The following RIF1 variants were observed in gnomAD, a reference collection of about 807,000 sequenced individuals.
RIF1 encodes the protein replication timing regulatory factor 1.
In RIF1, 45 loss-of-function variants were observed where a neutral mutation model predicts 247.1. The observed-to-expected ratio is 0.18, with a 90% CI of 0.14 to 0.23. The LOEUF is 0.23. Among genes scored for constraint, RIF1 ranks in the 10% least tolerant of loss-of-function variants. RIF1 has a pLI of 1.00. For missense variants in RIF1, 2,967 were observed against 2,862.5 expected, an observed-to-expected ratio of 1.04 and a Z score of -0.83; for synonymous variants, 1,087 against 978.8, an observed-to-expected ratio of 1.11 and a Z score of -2.06.
chr2:151,429,387 G>A (rs1340562932), intron 9 of RIF1, among the ~76,000 whole-genome samples: 1 of 152,094 alleles, frequency 6.6e-6, no homozygotes, highest in African/African-American at 2.4e-5. Flanking sequence ...CACTATGTTG[G>A]CCAGGCTGGT....
At chr2:151,512,943 C>T, downstream of RIF1, 1 of 728,904 alleles carries the variant, frequency 1.4e-6, no homozygotes, top group South Asian at 1.7e-5. Flanking sequence ...AAGAGGGACT[C>T]ATTCATTTGA....
rs775226266 is a variant in RIF1 at position 151,491,693 on chromosome 2, G to C, written c.*416-3536G>C. The C allele has an allele frequency of 2.5e-6, 4 of 1,591,418 alleles. No individual in the cohort carries two copies. The South Asian group carries it at 3.4e-5, about 14-fold the overall frequency. The stretch of plus-strand genomic sequence containing the variant: ...TTTCAGCTAACACACCATTAATCAT[G>C]TGTAAGCTTCGGGACTGGATGTTGT... On this transcript the variant is annotated intron_variant and NMD_transcript_variant, in intron 9 of 13. Transcript: ENST00000454583.
intron 8 of RIF1, among the ~76,000 whole-genome samples, chr2:151,424,825 ATTTTT>A (rs71000475): frequency 1.3e-4 from 6 of 47,284 alleles, no homozygotes; most frequent in East Asian, 5.2e-4. Flanking sequence ...AGCCCGGCTG[ATTTTT>A]TTTTTTTTTT....
At chr2:151,434,692 G>A (rs998535120) in intron 10 of RIF1, among the ~76,000 whole-genome samples, 3 of 151,970 alleles carry the variant, frequency 2.0e-5, no homozygotes, top group East Asian at 3.9e-4. Flanking sequence ...TGCCTGCCTC[G>A]GCCTCCCAAA....
chr2:151,474,837 G>A lies in RIF1; in HGVS notation c.7205-20G>A, dbSNP rs776273100. 4.9e-6 allele frequency: 6 copies of A among 1,218,314 alleles called. No homozygotes were observed. The highest frequency in any genetic ancestry group is 6.9e-6 in the Non-Finnish European group (6 of 864,040). 75.5% of individuals were successfully genotyped at this position (1,218,314 alleles called of 1,614,324 possible). A position where few individuals can be genotyped will look rare whatever the true frequency, so the allele number is the denominator to read the frequency against. ...TTTGTCTGGTATAGATTTAATTGTG[G>A]TTTTTTTTTTCTCTTTTAGATATAA... On this transcript the variant is annotated intron_variant, in intron 35 of 35. Coordinates refer to ENST00000444746, the MANE Select transcript of RIF1 (RefSeq NM_018151.5).
chr2:151,472,522 CTTA>C (rs1250306209), intron 34 of RIF1, among the ~76,000 whole-genome samples: 1 of 152,076 alleles, frequency 6.6e-6, no homozygotes, highest in Non-Finnish European at 1.5e-5. Flanking sequence ...ATAAATAGCT[CTTA>C]TTATTTTGAG....
At chr2:151,456,678 T>C in intron 23 of RIF1, 58 bp downstream of exon 23, 1 of 1,006,582 alleles carries the variant, frequency 9.9e-7, no homozygotes, top group Non-Finnish European at 1.5e-6. Flanking sequence ...TGATAGAGTT[T>C]AGATAATTTT....
chr2:151,464,850 C>G lies in RIF1; in HGVS notation c.5330C>G (p.Ser1777Cys). 6.2e-7 allele frequency: 1 copy of G among 1,607,644 alleles called. No homozygotes were observed. The highest frequency in any genetic ancestry group is 8.5e-7 in the Non-Finnish European group (1 of 1,178,406). The change falls in exon 30 of 36, where the codon TCT (serine) becomes TGT (cysteine). Residue 1777 changes from serine (S) to cysteine (C), a missense_variant. Coordinates refer to ENST00000444746, the MANE Select transcript of RIF1 (RefSeq NM_018151.5). ...GCACCTGTAAGCCCATCAGAAACTT[C>G]TCAAGCTAATCCATATTCTGAAGGA... ...VQAPVSPSET[S>C]QANPYSEGQF...
chr2:151,446,932 C>T (rs550236243), intron 20 of RIF1, among the ~76,000 whole-genome samples: 21 of 142,080 alleles, frequency 1.5e-4, no homozygotes, highest in Non-Finnish European at 2.7e-4. Context: ...AAATATAAGT[C>T]TCTTTTCTCT....
chr2:151,481,496 T>C lies in RIF1; in HGVS notation c.*6425T>C, dbSNP rs948035177. 2.0e-5 allele frequency: 3 copies of C among 152,274 alleles called. No homozygotes were observed. The highest frequency in any genetic ancestry group is 7.2e-5 in the African/African-American group (3 of 41,476). The allele number at this position is 152,274 out of a possible 1,614,324, so 9.4% of individuals were successfully genotyped here. On this transcript the variant is annotated 3_prime_UTR_variant, in exon 36 of 36. Transcript: ENST00000444746. ...GTAGATAGACCTGACTGATAGCACT[T>C]ACAAAAAGACTGATAGATGCCAAAT...
chr2:151,490,122 G>T, intron 9 of RIF1: 1 of 1,442,972 alleles, frequency 6.9e-7, no homozygotes, highest in South Asian at 1.2e-5. Context: ...AAAATGGCTA[G>T]GTATCCTTTA....
chr2:151,518,787 C>A, the RIF1 span, among the ~76,000 whole-genome samples: 3 of 152,116 alleles, frequency 2.0e-5, no homozygotes, highest in Non-Finnish European at 4.4e-5. Flanking sequence ...AGAGGTGTTA[C>A]AGACAATGGA....
rs1309670275 is a variant in RIF1 at position 151,463,784 on chromosome 2, T to A, written c.4264T>A (p.Ser1422Thr). ...KTLRRSSRRR[S>T]EVVESTTESQ... ...CCTTAGACGGTCTTCAAGGCGACGT[T>A]CAGAAGTAGTAGAGTCTACCACTGA... Residue 1422 changes from serine (S) to threonine (T), a missense_variant, in exon 30 of 36, where the codon TCA (serine) becomes ACA (threonine). Around this residue, in one of 7 missense-constraint regions of RIF1, gnomAD observed 2,028 missense variants for 1,825.6 expected, o/e 1.11. Coordinates refer to ENST00000444746, the MANE Select transcript of RIF1 (RefSeq NM_018151.5). 3 of 1,613,690 alleles carry A rather than the reference T, an allele frequency of 1.9e-6. No homozygotes were observed. Among genetic ancestry groups the A allele is most frequent in the Non-Finnish European group, 2.5e-6 (3 of 1,179,940 alleles).
At position 151,416,609 on chromosome 2, in the gene RIF1, A is replaced by C; in HGVS notation, c.329A>C (p.Asn110Thr). Residue 110 changes from asparagine (N) to threonine (T), a missense_variant, in exon 5 of 36, where the codon AAT (asparagine) becomes ACT (threonine). Around this residue, in one of 7 missense-constraint regions of RIF1, gnomAD observed 269 missense variants for 288.6 expected, o/e 0.93. Transcript: ENST00000444746. Reference sequence around the variant, plus strand: ...TCAAAATTGAATGATACCATTAAGAATTCAGACAAAAATGTACGTACTAGA... The same window carrying C: ...TCAAAATTGAATGATACCATTAAGACTTCAGACAAAAATGTACGTACTAGA... ...LLSKLNDTIK[N>T]SDKNVRTRAL... The C allele has an allele frequency of 6.2e-7, 1 of 1,608,014 alleles. No homozygotes were observed. Among genetic ancestry groups the C allele is most frequent in the Non-Finnish European group, 8.5e-7 (1 of 1,178,662 alleles).
chr2:151,519,888 A>G, the RIF1 span: 15 of 650,812 alleles, frequency 2.3e-5, no homozygotes, highest in South Asian at 3.9e-5. Context: ...CATATAATCT[A>G]TTATCCAAAC....
intron 8 of RIF1, among the ~76,000 whole-genome samples, chr2:151,425,715 G>A (rs1688947383): frequency 1.6e-5 from 2 of 125,614 alleles, no homozygotes; most frequent in African/African-American, 6.4e-5. Context: ...TGCCTAGGCT[G>A]GAGTGCAGTG....
Position 151,460,073 on chromosome 2 carries a change from T to C in RIF1, c.3029T>C (p.Leu1010Ser), listed in dbSNP as rs1695883064. The change falls in exon 26 of 36, where the codon TTG (leucine) becomes TCG (serine). Residue 1010 changes from leucine (L) to serine (S), a missense_variant. Leu to Ser is a moderately radical substitution (Grantham distance 145). Coordinates refer to ENST00000444746, the MANE Select transcript of RIF1 (RefSeq NM_018151.5). ...RKSNGKRDSF[L>S]AQTKNKKENM... Reference sequence around the variant, plus strand: ...TCAAATGGAAAAAGAGATTCATTTTTGGCACAAACAAAGAATAAAAAAGAA... The same window carrying C: ...TCAAATGGAAAAAGAGATTCATTTTCGGCACAAACAAAGAATAAAAAAGAA... 6.3e-7 allele frequency: 1 copy of C among 1,576,380 alleles called. No homozygotes were observed. Among genetic ancestry groups the C allele is most frequent in the Non-Finnish European group, 8.6e-7 (1 of 1,156,996 alleles).
downstream of RIF1, among the ~76,000 whole-genome samples, chr2:151,485,084 A>G (rs1245100921): frequency 6.6e-6 from 1 of 152,240 alleles, no homozygotes; most frequent in Non-Finnish European, 1.5e-5. Flanking sequence ...ACATGCTGCC[A>G]TCCTACTGGA....
At position 151,491,976 on chromosome 2, in the gene RIF1, T is replaced by A. The variant is rs1315810993; in HGVS notation, c.*416-3253T>A. ...AAACTATGAGATAATAGGAGCTTTC[T>A]TGCACCTCTAGAAAAACAGATTGAA... On this transcript the variant is annotated intron_variant and NMD_transcript_variant, in intron 9 of 13. Coordinates refer to the RIF1 transcript ENST00000454583. 3 of 1,141,816 alleles carry A rather than the reference T, an allele frequency of 2.6e-6. No homozygotes were observed. The African/African-American group carries it at 4.6e-5, about 18-fold the overall frequency. The allele number at this position is 1,141,816 out of a possible 1,614,324, so 70.7% of individuals were successfully genotyped here.
Sources: allele counts gnomAD v4.1 joint callset (sites outside exome capture counted in the v4.1 genomes callset), GRCh38; gene constraint gnomAD v4.1.1; regional missense constraint gnomAD v4.1.1; transcripts MANE v1.5; gene names NCBI Gene and HGNC (gene_info 2026-07-23, HGNC 2026-07-21).